The following COG5 variants were observed in gnomAD, a reference collection of about 807,000 sequenced individuals.
COG5 encodes component of oligomeric golgi complex 5.
Under a neutral mutation model 110.4 loss-of-function variants are expected in COG5, and 86 were observed. The ratio of observed to expected loss-of-function variants is 0.78; its 90% CI spans 0.65 to 0.93. COG5 has a LOEUF of 0.93. Ranked by LOEUF, COG5 falls within the 40% of genes least tolerant of loss-of-function variation. The pLI, the probability that COG5 is intolerant of heterozygous loss-of-function variation, is 0.00. For synonymous variants in COG5, 360 were observed against 334.6 expected (o/e 1.08, Z -0.83); for missense variants, 1,077 against 987.0 (o/e 1.09, Z -1.22).
intron 7 of COG5, among the ~76,000 whole-genome samples, chr7:107,373,722 T>C (rs1814390055): frequency 6.6e-6 from 1 of 152,102 alleles, no homozygotes; most frequent in African/African-American, 2.4e-5. Context: ...AACGAACAAA[T>C]TACCAAGCTA....
intron 18 of COG5, among the ~76,000 whole-genome samples, chr7:107,235,315 T>C (rs1012118974): frequency 9.2e-5 from 14 of 152,356 alleles, no homozygotes; most frequent in African/African-American, 3.1e-4. Flanking sequence ...TTAACATTTA[T>C]CTTTATAAGT....
chr7:107,297,240 A>AT (rs1326319874), intron 12 of COG5, among the ~76,000 whole-genome samples: 1 of 151,962 alleles, frequency 6.6e-6, no homozygotes, highest in Non-Finnish European at 1.5e-5. Flanking sequence ...ATTTATTCAC[A>AT]TTTTTTCTTA....
chr7:107,396,951 C>A (rs141798049), intron 7 of COG5, among the ~76,000 whole-genome samples: 30 of 152,200 alleles, frequency 2.0e-4, no homozygotes, highest in African/African-American at 7.2e-4. Flanking sequence ...AATGTAAAGT[C>A]ATTCTGTGCT....
chr7:107,510,950 C>A (rs948067322), intron 6 of COG5, among the ~76,000 whole-genome samples: 3 of 152,004 alleles, frequency 2.0e-5, no homozygotes, highest in Non-Finnish European at 2.9e-5. Flanking sequence ...CAGGAAAGAT[C>A]CAAAATTGAC....
intron 10 of COG5, among the ~76,000 whole-genome samples, chr7:107,346,694 A>AT (rs763995718): frequency 2.4e-4 from 36 of 147,210 alleles, no homozygotes; most frequent in Non-Finnish European, 4.6e-4. Context: ...ACAGGAGGAT[A>AT]TTTTTTTTCT....
At chr7:107,393,724 C>G (rs1790789654) in intron 7 of COG5, among the ~76,000 whole-genome samples, 1 of 152,174 alleles carries the variant, frequency 6.6e-6, no homozygotes, top group South Asian at 2.1e-4. Context: ...TAAAAGATCT[C>G]AAACAGACCA....
chr7:107,373,988 A>T (rs933638961), intron 7 of COG5, among the ~76,000 whole-genome samples: 1 of 152,162 alleles, frequency 6.6e-6, no homozygotes, highest in Non-Finnish European at 1.5e-5. Flanking sequence ...AATAACAGGA[A>T]ACATGGCTGG....
chr7:107,409,369 C>A (rs1362215562), intron 7 of COG5, among the ~76,000 whole-genome samples: 1 of 149,240 alleles, frequency 6.7e-6, no homozygotes, highest in Non-Finnish European at 1.5e-5. Context: ...ACTGGGAGGT[C>A]ACCCAGCAGT....
intron 19 of COG5, among the ~76,000 whole-genome samples, chr7:107,212,804 T>G (rs1188286060): frequency 1.3e-5 from 2 of 152,186 alleles, no homozygotes; most frequent in African/African-American, 2.4e-5. Flanking sequence ...ATATAAAAAC[T>G]GCATTAGAAG....
At chr7:107,206,210 C>T (rs1324846936) in intron 21 of COG5, among the ~76,000 whole-genome samples, 4 of 152,156 alleles carry the variant, frequency 2.6e-5, no homozygotes, top group Non-Finnish European at 4.4e-5. Context: ...ATCCGCCCAC[C>T]TGGGCTTCCC....
intron 6 of COG5, among the ~76,000 whole-genome samples, chr7:107,423,207 C>T (rs1793413438): frequency 6.6e-6 from 1 of 151,970 alleles, no homozygotes; most frequent in Admixed American, 6.6e-5. Context: ...CTCTATAAAC[C>T]ACACTTTTAT....
chr7:107,358,420 C>T (rs183934185), intron 10 of COG5, among the ~76,000 whole-genome samples: 133 of 152,230 alleles, frequency 8.7e-4, no homozygotes, highest in African/African-American at 2.9e-3. Flanking sequence ...GACTATACAC[C>T]TTGACAAAAG....
At chr7:107,358,069 C>G (rs1812782854) in intron 10 of COG5, among the ~76,000 whole-genome samples, 1 of 151,938 alleles carries the variant, frequency 6.6e-6, no homozygotes, top group Non-Finnish European at 1.5e-5. Flanking sequence ...TGTAGAAACT[C>G]TACCCAATGT....
intron 7 of COG5, among the ~76,000 whole-genome samples, chr7:107,396,611 C>T (rs1319638018): frequency 6.6e-6 from 1 of 151,482 alleles, no homozygotes; most frequent in Non-Finnish European, 1.5e-5. Flanking sequence ...GAAAGTTCTA[C>T]AGAAAGTGAT....
At chr7:107,415,822 A>T (rs1792718525) in intron 6 of COG5, among the ~76,000 whole-genome samples, 1 of 79,892 alleles carries the variant, frequency 1.3e-5, no homozygotes, top group Non-Finnish European at 3.3e-5. Context: ...ACACACATAC[A>T]CGTATGTATG....
At chr7:107,424,505 CTTTT>C (rs11376252) in intron 6 of COG5, among the ~76,000 whole-genome samples, 1 of 136,108 alleles carries the variant, frequency 7.3e-6, no homozygotes, top group African/African-American at 2.7e-5. Flanking sequence ...CTCAACAAAA[CTTTT>C]TTTTTTTTTT....
chr7:107,470,697 T>G (rs952572280), intron 6 of COG5, among the ~76,000 whole-genome samples: 1 of 152,154 alleles, frequency 6.6e-6, no homozygotes, highest in African/African-American at 2.4e-5. Flanking sequence ...TCAGATATAC[T>G]AAATATTCTT....
chr7:107,407,157 C>G (rs897111257), intron 7 of COG5, among the ~76,000 whole-genome samples: 1 of 151,852 alleles, frequency 6.6e-6, no homozygotes, highest in Non-Finnish European at 1.5e-5. Flanking sequence ...AGAGGCGGGT[C>G]GATCATCTGA....
chr7:107,557,006 T>C (rs1402219223), intron 2 of COG5, among the ~76,000 whole-genome samples: 2 of 152,082 alleles, frequency 1.3e-5, no homozygotes, highest in Admixed American at 1.3e-4. Flanking sequence ...CCTGACCTCA[T>C]GACCTGCCCG....
Sources: gnomAD v4.1 joint callset for allele counts (sites outside exome capture counted in the v4.1 genomes callset) on GRCh38, gnomAD v4.1.1 for gene constraint, MANE v1.5 for transcripts, NCBI Gene and HGNC (gene_info 2026-07-23, HGNC 2026-07-21) for gene names.